Variants in MOSMO observed in about 807,000 individuals in gnomAD.
MOSMO encodes modulator of smoothened protein.
MOSMO carries 5 observed loss-of-function variants against 18.4 expected under a neutral mutation model. The ratio of observed to expected loss-of-function variants is 0.27; its 90% CI spans 0.14 to 0.57. The LOEUF (loss-of-function observed/expected upper bound fraction) is 0.57, where lower values mean the gene tolerates loss of function less well. MOSMO is among the 20% of genes least tolerant of loss of function. The pLI is 0.92. For missense variants in MOSMO, 138 were observed against 211.8 expected (o/e 0.65, Z 2.16); for synonymous variants, 82 against 82.3 (o/e 1.00, Z 0.02).
intron 1 of MOSMO, among the ~76,000 whole-genome samples, chr16:22,049,333 C>G (rs116953285): frequency 1.3e-5 from 2 of 152,146 alleles, no homozygotes; most frequent in Admixed American, 1.3e-4. Context: ...TCTGAGTAAC[C>G]TCCGTCTTAC....
chr16:22,057,523 T>C (rs1329485002), intron 1 of MOSMO, among the ~76,000 whole-genome samples: 1 of 152,214 alleles, frequency 6.6e-6, no homozygotes, highest in Non-Finnish European at 1.5e-5. Context: ...AATCACAGCA[T>C]GTGAGTTCTC....
At chr16:22,056,365 C>CTTTTT (rs35642716) in intron 1 of MOSMO, among the ~76,000 whole-genome samples, 50 of 54,578 alleles carry the variant, frequency 9.2e-4, no homozygotes, top group Non-Finnish European at 1.1e-3. Flanking sequence ...TTCTTTCTTT[C>CTTTTT]TTTTTTTTTT....
intron 1 of MOSMO, among the ~76,000 whole-genome samples, chr16:22,023,170 A>G (rs557010694): frequency 7.2e-5 from 11 of 152,324 alleles, no homozygotes; most frequent in Admixed American, 5.2e-4. Context: ...ACTAAGACAA[A>G]TGTAGACAGT....
intron 1 of MOSMO, among the ~76,000 whole-genome samples, chr16:22,010,886 A>G (rs991862440): frequency 4.0e-5 from 6 of 151,380 alleles, no homozygotes; most frequent in African/African-American, 9.7e-5. Context: ...ACGCTACTGC[A>G]CTCTGGCCTG....
chr16:22,078,101 G>A (rs532671964), intron 2 of MOSMO, among the ~76,000 whole-genome samples: 24 of 152,026 alleles, frequency 1.6e-4, no homozygotes, highest in African/African-American at 5.3e-4. Context: ...AAGATGAGTC[G>A]TCCTGTTCTT....
chr16:22,078,872 A>G (rs1333907603), intron 2 of MOSMO, among the ~76,000 whole-genome samples: 1 of 152,222 alleles, frequency 6.6e-6, no homozygotes, highest in Non-Finnish European at 1.5e-5. Context: ...CAAAAAAGCT[A>G]AAAGCTATAA....
At chr16:22,012,784 T>TAG (rs1431302302) in intron 1 of MOSMO, among the ~76,000 whole-genome samples, 8 of 151,426 alleles carry the variant, frequency 5.3e-5, no homozygotes, top group African/African-American at 1.7e-4. Context: ...TCCCTATTGA[T>TAG]AAACTGTTAC....
At chr16:22,038,619 G>A (rs1010518182) in intron 1 of MOSMO, among the ~76,000 whole-genome samples, 1 of 152,112 alleles carries the variant, frequency 6.6e-6, no homozygotes, top group African/African-American at 2.4e-5. Context: ...TAACAAGAAG[G>A]GTCACTTGCT....
chr16:22,085,889 T>A (rs1205155310), downstream of MOSMO: 1 of 152,178 alleles, frequency 6.6e-6, no homozygotes, highest in Non-Finnish European at 1.5e-5. Context: ...TCAGCCCCAG[T>A]TCCAGTCACA....
chr16:22,034,909 T>A (rs2141998191), intron 1 of MOSMO, among the ~76,000 whole-genome samples: 1 of 152,132 alleles, frequency 6.6e-6, no homozygotes, highest in Middle Eastern at 3.4e-3. Flanking sequence ...TTTGTTTGTA[T>A]TTTTTGTAGA....
intron 2 of MOSMO, 81 bp from the exon 3 acceptor site, chr16:22,080,615 G>T (rs1272011339): frequency 1.1e-6 from 1 of 890,634 alleles, no homozygotes; most frequent in African/African-American, 1.9e-5. Flanking sequence ...CTTCTTACAA[G>T]CTTCCTTTGT....
chr16:22,077,556 G>A (rs147173856), intron 2 of MOSMO, among the ~76,000 whole-genome samples: 18 of 152,164 alleles, frequency 1.2e-4, no homozygotes, highest in African/African-American at 3.6e-4. Flanking sequence ...GAGGTATTCA[G>A]TGCACAGAAA....
At chr16:22,062,614 C>T (rs1381083203) in intron 1 of MOSMO, among the ~76,000 whole-genome samples, 1 of 152,108 alleles carries the variant, frequency 6.6e-6, no homozygotes, top group Admixed American at 6.5e-5. Context: ...TGAGCCATAG[C>T]ACCTGGCCTA....
chr16:22,063,485 G>T (rs1900690439), intron 1 of MOSMO, among the ~76,000 whole-genome samples: 1 of 152,214 alleles, frequency 6.6e-6, no homozygotes, highest in Non-Finnish European at 1.5e-5. Flanking sequence ...TAAGACAAAT[G>T]TGAGTGTTCA....
At chr16:22,043,601 C>G (rs1471415702) in intron 1 of MOSMO, among the ~76,000 whole-genome samples, 1 of 152,184 alleles carries the variant, frequency 6.6e-6, no homozygotes, top group African/African-American at 2.4e-5. Context: ...GACTAACATA[C>G]TATACTTTTC....
intron 1 of MOSMO, among the ~76,000 whole-genome samples, chr16:22,029,674 G>A (rs943802984): frequency 3.9e-5 from 6 of 152,182 alleles, no homozygotes; most frequent in Admixed American, 3.9e-4. Context: ...TGCCCAGCCT[G>A]GAGTACAGTG....
intron 1 of MOSMO, among the ~76,000 whole-genome samples, chr16:22,073,688 A>G (rs1005846944): frequency 7.2e-5 from 11 of 151,806 alleles, no homozygotes; most frequent in Middle Eastern, 3.2e-3. Context: ...GTTAGCAATA[A>G]ATAGTGTGAC....
intron 1 of MOSMO, among the ~76,000 whole-genome samples, chr16:22,072,255 C>T (rs770169366): frequency 6.6e-6 from 1 of 151,976 alleles, no homozygotes; most frequent in South Asian, 2.1e-4. Flanking sequence ...ACTAACAGAC[C>T]TGAATTTATA....
At chr16:22,072,491 G>T (rs894656780) in intron 1 of MOSMO, among the ~76,000 whole-genome samples, 3 of 152,168 alleles carry the variant, frequency 2.0e-5, no homozygotes, top group Non-Finnish European at 4.4e-5. Flanking sequence ...CTGCTACTAT[G>T]CTGAGCACGA....
Sources: allele counts gnomAD v4.1 joint callset (sites outside exome capture counted in the v4.1 genomes callset), GRCh38; gene constraint gnomAD v4.1.1; transcripts MANE v1.5; gene names NCBI Gene and HGNC (gene_info 2026-07-23, HGNC 2026-07-21).